The following SPMAP2 variants were observed in gnomAD, a reference collection of about 807,000 sequenced individuals.
The protein encoded by SPMAP2 is Theg homolog.
chr19:367,228 G>A, the SPMAP2 span: 2 of 1,592,134 alleles, frequency 1.3e-6, no homozygotes, highest in Non-Finnish European at 1.7e-6. Flanking sequence ...GGGACACCTG[G>A]AAAGAGAAAT....
chr19:362,909 G>T, the SPMAP2 span, among the ~76,000 whole-genome samples: 8 of 151,868 alleles, frequency 5.3e-5, 1 homozygote, highest in South Asian at 1.5e-3. Context: ...ACCAGCTACA[G>T]CATGGCTGAG....
At chr19:373,658 C>A in the SPMAP2 span, 1 of 818,846 alleles carries the variant, frequency 1.2e-6, no homozygotes, top group South Asian at 1.7e-5. Flanking sequence ...GGGGGTAGGC[C>A]AGAGAAGGAC....
At chr19:362,081 G>A in the SPMAP2 span, 1 of 633,430 alleles carries the variant, frequency 1.6e-6, no homozygotes, top group Non-Finnish European at 2.5e-6. Flanking sequence ...AAATATTATT[G>A]TCCTCCTCAT....
At chr19:364,215 T>C in the SPMAP2 span, among the ~76,000 whole-genome samples, 8 of 149,644 alleles carry the variant, frequency 5.3e-5, no homozygotes, top group East Asian at 1.6e-3. Context: ...CGGCTGCCTG[T>C]AGTCCCAGCT....
the SPMAP2 span, chr19:373,336 G>T: frequency 1.2e-6 from 1 of 803,218 alleles, no homozygotes; most frequent in Non-Finnish European, 2.1e-6. Flanking sequence ...TCAGGGGACA[G>T]ACTCCAGTGG....
chr19:374,409 G>C, the SPMAP2 span: 421 of 1,614,088 alleles, frequency 2.6e-4, 1 homozygote, highest in Non-Finnish European at 3.5e-4. Flanking sequence ...GCTTCTGGCT[G>C]ATGGACAGCC....
the SPMAP2 span, chr19:362,047 A>C: frequency 4.1e-6 from 2 of 483,480 alleles, no homozygotes; most frequent in South Asian, 6.9e-5. Context: ...ACAGCTGGAC[A>C]AGTCGCAGGT....
the SPMAP2 span, chr19:371,244 C>T: frequency 2.8e-4 from 430 of 1,508,890 alleles, 1 homozygote; most frequent in Non-Finnish European, 2.3e-4. Flanking sequence ...CACGAATCTT[C>T]GGGGCGGCCA....
At chr19:372,749 G>A in the SPMAP2 span, 2 of 1,576,924 alleles carry the variant, frequency 1.3e-6, no homozygotes, top group Non-Finnish European at 8.7e-7. Flanking sequence ...TCAACACCCT[G>A]CAGTTCCCAG....
chr19:363,596 T>C, the SPMAP2 span, among the ~76,000 whole-genome samples: 1 of 152,000 alleles, frequency 6.6e-6, no homozygotes. Context: ...TGCAGTAGCA[T>C]GACCTTGACT....
the SPMAP2 span, among the ~76,000 whole-genome samples, chr19:368,487 G>C: frequency 6.4e-5 from 9 of 141,566 alleles, no homozygotes; most frequent in Non-Finnish European, 1.2e-4. The surrounding 1 kb of genome is among the most constrained non-coding windows in gnomAD (Gnocchi z 4.1). Flanking sequence ...GGGAGGGAGG[G>C]AGGGAAGGAG....
the SPMAP2 span, among the ~76,000 whole-genome samples, chr19:370,138 A>G: frequency 1.5e-3 from 223 of 152,292 alleles, 2 homozygotes; most frequent in Non-Finnish European, 2.6e-3. Context: ...CCACACAGAG[A>G]ATGCAAGACG....
the SPMAP2 span, chr19:362,296 G>A: frequency 6.2e-7 from 1 of 1,607,166 alleles, no homozygotes; most frequent in Non-Finnish European, 8.5e-7. Flanking sequence ...ATCCCTCGTT[G>A]AGGCCCTTGC....
At chr19:370,151 G>A in the SPMAP2 span, among the ~76,000 whole-genome samples, 47 of 152,254 alleles carry the variant, frequency 3.1e-4, no homozygotes, top group South Asian at 1.5e-3. Context: ...GCAAGACGGC[G>A]GCCAGGATGG....
At chr19:365,524 ACAGCAAG>A in the SPMAP2 span, among the ~76,000 whole-genome samples, 1 of 72,372 alleles carries the variant, frequency 1.4e-5, no homozygotes, top group Non-Finnish European at 3.7e-5. Context: ...CCCCCACCAC[ACAGCAAG>A]TGTGAGCACA....
the SPMAP2 span, chr19:374,542 TCTC>T: frequency 7.1e-7 from 1 of 1,405,934 alleles, no homozygotes; most frequent in Admixed American, 2.2e-5. Flanking sequence ...CCCACCCGCC[TCTC>T]CTTTCCCTCG....
chr19:371,191 C>A, the SPMAP2 span: 1 of 1,413,096 alleles, frequency 7.1e-7, no homozygotes, highest in Non-Finnish European at 9.4e-7. Context: ...TCGCGGGGGG[C>A]ACGGGGCACC....
At chr19:375,875 G>C in the SPMAP2 span, 3 of 1,575,292 alleles carry the variant, frequency 1.9e-6, no homozygotes, top group African/African-American at 2.7e-5. Context: ...CAGAGCTCTG[G>C]AGGCCACGGG....
the SPMAP2 span, among the ~76,000 whole-genome samples, chr19:362,665 T>C: frequency 2.0e-5 from 3 of 148,388 alleles, no homozygotes; most frequent in South Asian, 2.1e-4. Context: ...ACTCGGGAGG[T>C]TGAGGCATGA....
Sources: allele counts gnomAD v4.1 joint callset (sites outside exome capture counted in the v4.1 genomes callset), GRCh38; gene constraint gnomAD v4.1.1; non-coding constraint Gnocchi (gnomAD v3.1); transcripts MANE v1.5; gene names NCBI Gene and HGNC (gene_info 2026-07-23, HGNC 2026-07-21).